The following BMP2K variants were observed in gnomAD, a reference collection of about 807,000 sequenced individuals.
The protein encoded by BMP2K is BMP2 inducible kinase, also known as BMP-2-inducible protein kinase.
Under a neutral mutation model 116.0 loss-of-function variants are expected in BMP2K, and 74 were observed. That is an observed-to-expected ratio of 0.64 (90% CI 0.53 to 0.77). The LOEUF is 0.77. BMP2K is among the 30% of genes least tolerant of loss of function. The probability of loss-of-function intolerance (pLI) is 0.00; values close to 1 mark genes in which losing one functional copy is unlikely to be tolerated. For missense variants in BMP2K, 1,365 were observed against 1,403.6 expected, an observed-to-expected ratio of 0.97 and a Z score of 0.44; for synonymous variants, 486 against 502.5, an observed-to-expected ratio of 0.97 and a Z score of 0.44.
intron 14 of BMP2K, among the ~76,000 whole-genome samples, chr4:78,882,659 C>T (rs564082136): frequency 1.8e-4 from 28 of 151,632 alleles, no homozygotes; most frequent in African/African-American, 6.5e-4. Context: ...TAGTTATACT[C>T]GTTAATTAAA....
chr4:78,832,090 TA>T (rs1730236522), intron 2 of BMP2K, among the ~76,000 whole-genome samples: 1 of 152,200 alleles, frequency 6.6e-6, no homozygotes, highest in African/African-American at 2.4e-5. Flanking sequence ...TGATGCAGTT[TA>T]AAAAATTATT....
At chr4:78,831,575 T>C (rs530920372) in intron 2 of BMP2K, among the ~76,000 whole-genome samples, 107 of 152,374 alleles carry the variant, frequency 7.0e-4, no homozygotes, top group Admixed American at 1.4e-3. Flanking sequence ...ATTCACTGTT[T>C]GTGTTTTTAT....
intron 10 of BMP2K, 134 bp from the exon 11 acceptor site, chr4:78,870,649 A>G: frequency 3.3e-6 from 4 of 1,201,888 alleles, no homozygotes; most frequent in Non-Finnish European, 4.5e-6. Context: ...AACTCTATGC[A>G]TATGGAAGTT....
chr4:78,883,501 C>T (rs1732951570), intron 14 of BMP2K, among the ~76,000 whole-genome samples: 1 of 152,098 alleles, frequency 6.6e-6, no homozygotes, highest in Non-Finnish European at 1.5e-5. Flanking sequence ...ATTCTGATTC[C>T]TATTTTGAAA....
At chr4:78,854,568 C>T (rs80342669) in intron 7 of BMP2K, among the ~76,000 whole-genome samples, 3 of 151,978 alleles carry the variant, frequency 2.0e-5, no homozygotes, top group East Asian at 1.9e-4. Flanking sequence ...GCACTGCGCC[C>T]GGCCATGTAT....
chr4:78,838,274 G>A (rs1730590904), intron 3 of BMP2K, among the ~76,000 whole-genome samples: 1 of 152,214 alleles, frequency 6.6e-6, no homozygotes, highest in Admixed American at 6.5e-5. Flanking sequence ...CTCCCGATGG[G>A]TCCGTCTCAC....
intron 2 of BMP2K, among the ~76,000 whole-genome samples, chr4:78,828,686 T>C (rs991002164): frequency 6.6e-5 from 10 of 152,170 alleles, no homozygotes; most frequent in Non-Finnish European, 1.3e-4. Context: ...AAAACCAATA[T>C]AGTATCATAA....
intron 13 of BMP2K, among the ~76,000 whole-genome samples, chr4:78,877,357 A>C (rs1407839946): frequency 6.6e-6 from 1 of 152,208 alleles, no homozygotes; most frequent in Non-Finnish European, 1.5e-5. Context: ...CAACTGTACA[A>C]AAATATTTTC....
chr4:78,888,074 A>G (rs1307532884), intron 15 of BMP2K: 3 of 152,240 alleles, frequency 2.0e-5, no homozygotes, highest in African/African-American at 7.2e-5. Context: ...TGTAAAGCCA[A>G]AAGAAGAATT....
chr4:78,810,982 C>T lies in BMP2K; in HGVS notation c.179-15055C>T, dbSNP rs183185816. On this transcript the variant is annotated intron_variant, in intron 1 of 15. Coordinates refer to ENST00000502613, the MANE Select transcript of BMP2K (RefSeq NM_198892.2). Reference sequence around the variant, plus strand: ...GTGCTTCACTTCTGATATTTTTATACGTGTTTTTCCTTTCAAGCTTTACCT... The same window carrying T: ...GTGCTTCACTTCTGATATTTTTATATGTGTTTTTCCTTTCAAGCTTTACCT... Among the ~76,000 whole-genome samples, 403 of 152,122 alleles carry T rather than the reference C, an allele frequency of 2.6e-3. 1 individual carries two copies. The highest frequency in any genetic ancestry group is 4.5e-3 in the Non-Finnish European group (307 of 67,988).
intron 10 of BMP2K, among the ~76,000 whole-genome samples, chr4:78,868,027 T>C (rs993204386): frequency 6.6e-6 from 1 of 152,144 alleles, no homozygotes; most frequent in Non-Finnish European, 1.5e-5. Flanking sequence ...GCCACTGCAC[T>C]CCAGGCTGGG....
Position 78,861,410 on chromosome 4 carries a change from C to T in BMP2K, c.1009C>T (p.Leu337Phe). The change falls in exon 9 of 16, where the codon CTT (leucine) becomes TTT (phenylalanine). Residue 337 changes from leucine to phenylalanine, a missense_variant. Transcript: ENST00000502613. The part of the protein sequence containing the change: ...NINNSSIPSA[L>F]PEPMTASEAA... ...CAAGAATTCTTCTATTCCTTCAGCT[C>T]TTCCTGAACCGATGACTGCTAGTGA... is the stretch of plus-strand genomic sequence containing the variant. 1 of 1,607,856 alleles carries T rather than the reference C, an allele frequency of 6.2e-7. No individual in the cohort carries two copies. The highest frequency in any genetic ancestry group is 8.5e-7 in the Non-Finnish European group (1 of 1,176,198).
chr4:78,795,021 A>G (rs1728184480), intron 1 of BMP2K, among the ~76,000 whole-genome samples: 1 of 152,208 alleles, frequency 6.6e-6, no homozygotes, highest in South Asian at 2.1e-4. Context: ...TGGCTTATGT[A>G]ATCAGTTCTC....
chr4:78,902,503 G>A (rs763011612), intron 15 of BMP2K, among the ~76,000 whole-genome samples: 2 of 152,110 alleles, frequency 1.3e-5, no homozygotes, highest in Non-Finnish European at 2.9e-5. Flanking sequence ...ATTGCTGGGA[G>A]ATGATGGCAG....
chr4:78,838,001 A>C (rs917159056), intron 3 of BMP2K, among the ~76,000 whole-genome samples: 3 of 152,102 alleles, frequency 2.0e-5, no homozygotes, highest in Non-Finnish European at 4.4e-5. Flanking sequence ...CACGCTGCTG[A>C]TAAAGACGTA....
intron 15 of BMP2K, among the ~76,000 whole-genome samples, chr4:78,898,146 A>G (rs913340775): frequency 1.3e-5 from 2 of 152,220 alleles, no homozygotes; most frequent in Non-Finnish European, 2.9e-5. Flanking sequence ...CAGTATGTTC[A>G]GAGAATTGCA....
At chr4:78,880,378 G>C (rs574201416) in intron 14 of BMP2K, among the ~76,000 whole-genome samples, 1 of 152,104 alleles carries the variant, frequency 6.6e-6, no homozygotes, top group Non-Finnish European at 1.5e-5. Flanking sequence ...AGCTCTTTCA[G>C]AGTTATGGAA....
chr4:78,804,679 C>G (rs991972451), intron 1 of BMP2K, among the ~76,000 whole-genome samples: 1 of 149,488 alleles, frequency 6.7e-6, no homozygotes, highest in African/African-American at 2.4e-5. Flanking sequence ...TTCCTAATGA[C>G]TGATGTTGAG....
Position 78,911,448 on chromosome 4 carries a change from G to A in BMP2K, c.2901G>A (p.Gln967=). 3 of 1,614,032 alleles carry A rather than the reference G, an allele frequency of 1.9e-6. No homozygotes were observed. The highest frequency in any genetic ancestry group is 3.3e-5 in the Admixed American group (2 of 60,024). Residue 967 remains glutamine (Q), a synonymous_variant, in exon 16 of 16, where the codon CAG becomes CAA. Coordinates refer to ENST00000502613, the MANE Select transcript of BMP2K (RefSeq NM_198892.2). ...TTGATGAAATAACGGGGAGCCAGCA[G>A]CAAAAAGTCAAACAGCGCAGCTTAC... ...VPFDEITGSQ[Q]QKVKQRSLQK... is the part of the protein sequence containing the mutation.
Sources: gnomAD v4.1 joint callset for allele counts (sites outside exome capture counted in the v4.1 genomes callset) on GRCh38, gnomAD v4.1.1 for gene constraint, MANE v1.5 for transcripts, NCBI Gene and HGNC (gene_info 2026-07-23, HGNC 2026-07-21) for gene names.